The following CDH4 variants were observed in gnomAD, a reference collection of about 807,000 sequenced individuals.
CDH4 encodes cadherin 4.
A neutral mutation model predicts 86.0 loss-of-function variants in CDH4; 33 were observed. The observed-to-expected ratio is 0.38, with a 90% CI of 0.29 to 0.51. The LOEUF is 0.51. Ranked by LOEUF, CDH4 falls within the 20% of genes least tolerant of loss-of-function variation. The probability of loss-of-function intolerance (pLI) is 0.86; values close to 1 mark genes in which losing one functional copy is unlikely to be tolerated. For missense variants in CDH4, 1,114 were observed against 1,307.4 expected (o/e 0.85, Z 2.28); for synonymous variants, 555 against 549.4 (o/e 1.01, Z -0.14).
At chr20:61,579,872 C>T (rs1157719524) in intron 2 of CDH4, among the ~76,000 whole-genome samples, 1 of 152,062 alleles carries the variant, frequency 6.6e-6, no homozygotes, top group Non-Finnish European at 1.5e-5. Flanking sequence ...TATTCAAAAG[C>T]TCCTAGAGCC....
chr20:61,322,015 G>A (rs1308172805), intron 2 of CDH4, among the ~76,000 whole-genome samples: 1 of 152,104 alleles, frequency 6.6e-6, no homozygotes, highest in South Asian at 2.1e-4. Context: ...GGCTCAGGAA[G>A]GTGACATTGA....
At chr20:61,556,421 A>G (rs868788428) in intron 2 of CDH4, among the ~76,000 whole-genome samples, 91 of 152,210 alleles carry the variant, frequency 6.0e-4, no homozygotes, top group African/African-American at 2.1e-3. Context: ...GAACTGTGTT[A>G]TAATCACCAC....
intron 4 of CDH4, among the ~76,000 whole-genome samples, chr20:61,817,480 G>A (rs932249600): frequency 1.1e-4 from 16 of 152,170 alleles, no homozygotes; most frequent in African/African-American, 2.2e-4. Context: ...CACAAGACGC[G>A]GAAAGCAACT....
intron 7 of CDH4, among the ~76,000 whole-genome samples, chr20:61,880,268 G>A (rs1984219811): frequency 6.6e-6 from 1 of 152,200 alleles, no homozygotes; most frequent in Admixed American, 6.5e-5. Context: ...GCATCTGCCT[G>A]GGGAGGGCAG....
In CDH4 at chr20:61,643,922, C is replaced by T. The variant is rs531731338; in HGVS notation, c.170-99641C>T. On this transcript the variant is annotated intron_variant, in intron 2 of 15. Transcript: ENST00000614565. Reference sequence around the variant, plus strand: ...TGATTCCAACACTAGTTAAAGAAGGCAAGGAAGACTTTCTGGGAGAATTTT... The same window carrying T: ...TGATTCCAACACTAGTTAAAGAAGGTAAGGAAGACTTTCTGGGAGAATTTT... Among the ~76,000 whole-genome samples, 6 of 152,312 alleles carry T rather than the reference C, an allele frequency of 3.9e-5. No individual in the cohort carries two copies. In the South Asian group the frequency reaches 1.2e-3, roughly 32 times the overall value.
chr20:61,331,055 A>C (rs1290611415), intron 2 of CDH4, among the ~76,000 whole-genome samples: 1 of 151,998 alleles, frequency 6.6e-6, no homozygotes, highest in African/African-American at 2.4e-5. Context: ...TTTCACTCCC[A>C]CTAACACCTG....
chr20:61,720,054 G>C lies in CDH4; in HGVS notation c.170-23509G>C, dbSNP rs536706007. 2.6e-5 allele frequency among the ~76,000 whole-genome samples: 4 copies of C among 152,282 alleles called. No individual in the cohort carries two copies. In the East Asian group the frequency reaches 7.7e-4, roughly 30 times the overall value. On this transcript the variant is annotated intron_variant, in intron 2 of 15. Transcript: ENST00000614565. ...CCTCCCATGTCTCAGTAACGGAGAAGGAGGCGGTAGTGGAGGGCAGTCGGC... is the reference window on the plus strand; with the variant it reads ...CCTCCCATGTCTCAGTAACGGAGAACGAGGCGGTAGTGGAGGGCAGTCGGC...
rs773039670 is a variant in CDH4 at position 61,834,319 on chromosome 20, C to CCTGGGGT, written c.577-10337_577-10331dup. Among the ~76,000 whole-genome samples, 7 of 152,322 alleles carry CCTGGGGT rather than the reference C, an allele frequency of 4.6e-5. No homozygotes were observed. The East Asian group carries it at 7.7e-4, about 17-fold the overall frequency. ...GGGGCCTGTGGCCTAGGATCTGGGG[C>CCTGGGGT]CTGGGGTCTGGGGTCTGGCCTCCAT... On this transcript the variant is annotated intron_variant, in intron 4 of 15. Transcript: ENST00000614565.
At chr20:61,690,304 G>T (rs149336055) in intron 2 of CDH4, among the ~76,000 whole-genome samples, 1 of 152,170 alleles carries the variant, frequency 6.6e-6, no homozygotes, top group African/African-American at 2.4e-5. Context: ...ACTGAGACCC[G>T]TGTGTATTGT....
intron 2 of CDH4, among the ~76,000 whole-genome samples, chr20:61,514,522 C>T (rs1006883539): frequency 6.6e-6 from 1 of 152,180 alleles, no homozygotes; most frequent in Non-Finnish European, 1.5e-5. Flanking sequence ...TATCATGTTA[C>T]TCATTTACTT....
chr20:61,286,478 A>G (rs1043240657), intron 2 of CDH4, among the ~76,000 whole-genome samples: 50 of 152,198 alleles, frequency 3.3e-4, no homozygotes, highest in Admixed American at 9.2e-4. Context: ...TGTTCTTTCC[A>G]TGCTACTTAG....
At chr20:61,687,366 T>A (rs2087595862) in intron 2 of CDH4, among the ~76,000 whole-genome samples, 1 of 152,172 alleles carries the variant, frequency 6.6e-6, no homozygotes, top group South Asian at 2.1e-4. Flanking sequence ...CCGTCTGTAC[T>A]CGGAGGCAGC....
intron 2 of CDH4, among the ~76,000 whole-genome samples, chr20:61,624,481 T>C (rs1047111119): frequency 6.6e-6 from 1 of 152,138 alleles, no homozygotes; most frequent in African/African-American, 2.4e-5. Context: ...GCTTTCTCCC[T>C]TCCCCAGCTC....
intron 2 of CDH4, among the ~76,000 whole-genome samples, chr20:61,442,607 G>T (rs866668242): frequency 5.9e-5 from 9 of 152,234 alleles, no homozygotes; most frequent in African/African-American, 2.2e-4. Context: ...GCAGAAGGCT[G>T]CGTTACAGAG....
intron 2 of CDH4, among the ~76,000 whole-genome samples, chr20:61,712,600 G>A (rs2087905244): frequency 6.6e-6 from 1 of 152,086 alleles, no homozygotes; most frequent in South Asian, 2.1e-4. Context: ...CTTAAAGCCT[G>A]GATCAAATAA....
intron 2 of CDH4, among the ~76,000 whole-genome samples, chr20:61,489,807 C>G (rs2085616098): frequency 6.6e-6 from 1 of 152,196 alleles, no homozygotes; most frequent in South Asian, 2.1e-4. Flanking sequence ...GTTTGAGAGC[C>G]TCAGAGTCCA....
intron 2 of CDH4, among the ~76,000 whole-genome samples, chr20:61,666,062 G>A (rs751465195): frequency 1.3e-5 from 2 of 152,064 alleles, no homozygotes; most frequent in African/African-American, 2.4e-5. Flanking sequence ...CCAAATGGAC[G>A]TTGGGGCCCA....
chr20:61,922,376 C>T (rs891748116), intron 9 of CDH4, among the ~76,000 whole-genome samples: 1 of 152,186 alleles, frequency 6.6e-6, no homozygotes, highest in Non-Finnish European at 1.5e-5. Context: ...TACAGCATCA[C>T]TGCAGAACCG....
chr20:61,794,068 G>A (rs1211910266), intron 4 of CDH4, among the ~76,000 whole-genome samples: 1 of 150,478 alleles, frequency 6.6e-6, no homozygotes, highest in African/African-American at 2.5e-5. Context: ...GCGTGAACCT[G>A]GGAGATGGAG....
Sources: gnomAD v4.1 joint callset for allele counts (sites outside exome capture counted in the v4.1 genomes callset) on GRCh38, gnomAD v4.1.1 for gene constraint, MANE v1.5 for transcripts, NCBI Gene and HGNC (gene_info 2026-07-23, HGNC 2026-07-21) for gene names.